Variants in SRBD1 observed in about 807,000 individuals in gnomAD.
SRBD1 encodes S1 RNA binding domain 1.
A neutral mutation model predicts 115.3 loss-of-function variants in SRBD1; 88 were observed. That is an observed-to-expected ratio of 0.76 (90% CI 0.64 to 0.91). The LOEUF is 0.91. Ranked by LOEUF, SRBD1 falls within the 40% of genes least tolerant of loss-of-function variation. The pLI, the probability that SRBD1 is intolerant of heterozygous loss-of-function variation, is 0.00. For missense variants in SRBD1, 1,385 were observed against 1,177.4 expected (o/e 1.18, Z -2.58); for synonymous variants, 509 against 407.7 (o/e 1.25, Z -2.99).
intron 16 of SRBD1, among the ~76,000 whole-genome samples, chr2:45,455,268 C>G (rs1196340205): frequency 6.6e-6 from 1 of 151,652 alleles, no homozygotes; most frequent in African/African-American, 2.4e-5. Context: ...TAAAGTAAAC[C>G]AGTTCATTTC....
intron 9 of SRBD1, among the ~76,000 whole-genome samples, chr2:45,565,212 T>C (rs1485928443): frequency 1.3e-5 from 2 of 152,194 alleles, no homozygotes; most frequent in Admixed American, 6.5e-5. Flanking sequence ...CTTGGAAGAT[T>C]CCCACTTCCC....
intron 14 of SRBD1, among the ~76,000 whole-genome samples, chr2:45,539,268 A>G (rs1671859255): frequency 6.6e-6 from 1 of 152,114 alleles, no homozygotes; most frequent in Non-Finnish European, 1.5e-5. Context: ...ATATGTGGGA[A>G]CCTTGATTTC....
chr2:45,608,879 C>T lies in SRBD1; in HGVS notation c.-1+2340G>A, dbSNP rs535519502. Among the ~76,000 whole-genome samples the T allele has an allele frequency of 1.2e-3, 189 of 151,564 alleles. 1 individual carries two copies. The highest frequency in any genetic ancestry group is 4.5e-3 in the African/African-American group (185 of 41,252). ...GTCACCCAGCCTGGAGTGATCTCAG[C>T]TCACTGCAAACTCTGCCTCCCAGGT... On this transcript the variant is annotated intron_variant, in intron 1 of 20. Transcript: ENST00000263736.
intron 16 of SRBD1, among the ~76,000 whole-genome samples, chr2:45,428,252 TG>T (rs1668218357): frequency 2.0e-5 from 3 of 152,160 alleles, no homozygotes; most frequent in African/African-American, 7.2e-5. Flanking sequence ...GAATGACTAC[TG>T]GATAAATAAC....
At chr2:45,525,824 T>C (rs1671423230) in intron 14 of SRBD1, among the ~76,000 whole-genome samples, 2 of 152,016 alleles carry the variant, frequency 1.3e-5, no homozygotes, top group East Asian at 3.8e-4. Flanking sequence ...TGAATAGACA[T>C]TGATCCAAGA....
chr2:45,499,513 T>G (rs1469097718), intron 14 of SRBD1, among the ~76,000 whole-genome samples: 2 of 152,166 alleles, frequency 1.3e-5, no homozygotes, highest in African/African-American at 4.8e-5. Context: ...TGTAATCCCA[T>G]TTGTCTATTT....
At position 45,468,873 on chromosome 2, in the gene SRBD1, T is replaced by C. The variant is rs559757066; in HGVS notation, c.2049+8120A>G. On this transcript the variant is annotated intron_variant, in intron 16 of 20. Transcript: ENST00000263736. ...TAAATAATGTACAAGATTCCAAGTG[T>C]TCCACATGCTTGCTAACATCTGAAT... is the stretch of plus-strand genomic sequence containing the variant. Among the ~76,000 whole-genome samples the C allele has an allele frequency of 2.6e-5, 4 of 152,340 alleles. No homozygotes were observed. The East Asian group carries it at 7.7e-4, about 29-fold the overall frequency.
intron 5 of SRBD1, 74 bp from the exon 6 acceptor site, chr2:45,581,884 C>T: frequency 1.6e-6 from 2 of 1,227,586 alleles, no homozygotes; most frequent in Admixed American, 2.0e-5. Context: ...CTCAAACTTA[C>T]AGAAAAGTTG....
intron 14 of SRBD1, among the ~76,000 whole-genome samples, chr2:45,542,334 T>C (rs1301002282): frequency 6.6e-6 from 1 of 152,188 alleles, no homozygotes; most frequent in Non-Finnish European, 1.5e-5. Flanking sequence ...AGCAGGTACT[T>C]CCGAGCCTGC....
chr2:45,594,749 T>C (rs1673841275), intron 4 of SRBD1, among the ~76,000 whole-genome samples: 1 of 152,144 alleles, frequency 6.6e-6, no homozygotes, highest in South Asian at 2.1e-4. Context: ...AAAATCAAAA[T>C]GAACTCACCC....
intron 6 of SRBD1, among the ~76,000 whole-genome samples, chr2:45,581,079 G>A (rs991657694): frequency 1.3e-5 from 2 of 152,038 alleles, no homozygotes; most frequent in African/African-American, 2.4e-5. Context: ...AAAAATCCAT[G>A]ATGATCTCCT....
intron 20 of SRBD1, among the ~76,000 whole-genome samples, chr2:45,392,568 A>T (rs957105855): frequency 1.3e-5 from 2 of 152,254 alleles, no homozygotes; most frequent in Non-Finnish European, 1.5e-5. Flanking sequence ...TTTAGGAAGA[A>T]GATTCACCTT....
chr2:45,590,901 C>T (rs1467197083), intron 4 of SRBD1, among the ~76,000 whole-genome samples: 1 of 151,904 alleles, frequency 6.6e-6, no homozygotes, highest in Non-Finnish European at 1.5e-5. Context: ...CCTGTAATCC[C>T]AGCTACTCAG....
chr2:45,454,006 C>G (rs903311095), intron 16 of SRBD1, among the ~76,000 whole-genome samples: 3 of 151,916 alleles, frequency 2.0e-5, no homozygotes, highest in African/African-American at 7.2e-5. Context: ...TATACACAGT[C>G]TTTCGAAGCA....
chr2:45,586,693 G>A (rs991265484), intron 4 of SRBD1, among the ~76,000 whole-genome samples: 10 of 150,732 alleles, frequency 6.6e-5, no homozygotes, highest in African/African-American at 2.2e-4. Context: ...TACAAGCCAC[G>A]CCATCACACC....
intron 4 of SRBD1, among the ~76,000 whole-genome samples, chr2:45,590,102 G>C (rs1482840629): frequency 6.6e-6 from 1 of 152,226 alleles, no homozygotes; most frequent in African/African-American, 2.4e-5. Context: ...AGAAACCAAT[G>C]CACATGTTTT....
intron 14 of SRBD1, among the ~76,000 whole-genome samples, chr2:45,545,883 T>C (rs1672105059): frequency 6.6e-6 from 1 of 152,222 alleles, no homozygotes; most frequent in South Asian, 2.1e-4. Context: ...CCTACACAAA[T>C]CCTAGAATTC....
At chr2:45,538,166 C>T (rs1671823542) in intron 14 of SRBD1, among the ~76,000 whole-genome samples, 1 of 152,204 alleles carries the variant, frequency 6.6e-6, no homozygotes, top group Admixed American at 6.5e-5. Context: ...TCAGCTACAT[C>T]ACAGCTTCCT....
intron 16 of SRBD1, among the ~76,000 whole-genome samples, chr2:45,441,749 C>T (rs1668675953): frequency 1.3e-5 from 2 of 152,162 alleles, no homozygotes; most frequent in Non-Finnish European, 2.9e-5. Flanking sequence ...CGTGGCATTG[C>T]TTGAGGGCAT....
Sources: allele counts gnomAD v4.1 joint callset (sites outside exome capture counted in the v4.1 genomes callset), GRCh38; gene constraint gnomAD v4.1.1; transcripts MANE v1.5; gene names NCBI Gene and HGNC (gene_info 2026-07-23, HGNC 2026-07-21).